Variants in DPP6 observed in about 807,000 individuals in gnomAD.
DPP6 encodes A-type potassium channel modulatory protein DPP6.
DPP6 carries 69 observed loss-of-function variants against 122.6 expected under a neutral mutation model. That is an observed-to-expected ratio of 0.56 (90% CI 0.46 to 0.69). The LOEUF is 0.69. Among genes scored for constraint, DPP6 ranks in the 30% least tolerant of loss-of-function variants. The pLI is 0.00. For synonymous variants in DPP6, 418 were observed against 433.1 expected (o/e 0.97, Z 0.43); for missense variants, 928 against 1,116.9 (o/e 0.83, Z 2.41).
intron 5 of DPP6, among the ~76,000 whole-genome samples, chr7:154,620,390 A>G (rs1834563998): frequency 6.6e-6 from 1 of 152,198 alleles, no homozygotes; most frequent in African/African-American, 2.4e-5. Flanking sequence ...TTTCTTCCCA[A>G]CCCAGGATTA....
chr7:154,273,567 A>T (rs1057114838), intron 1 of DPP6, among the ~76,000 whole-genome samples: 1 of 152,234 alleles, frequency 6.6e-6, no homozygotes, highest in South Asian at 2.1e-4. Flanking sequence ...AACAATGCAC[A>T]TCATTCTGCA....
intron 2 of DPP6, among the ~76,000 whole-genome samples, chr7:154,471,831 C>T (rs965213490): frequency 6.6e-6 from 1 of 151,894 alleles, no homozygotes; most frequent in Non-Finnish European, 1.5e-5. Context: ...GCTAAAGAAG[C>T]ATGAAACTAT....
At chr7:153,760,234 T>C in the DPP6 span, among the ~76,000 whole-genome samples, 1 of 152,250 alleles carries the variant, frequency 6.6e-6, no homozygotes, top group Non-Finnish European at 1.5e-5. Context: ...GCAGTATCCA[T>C]TTCCTCTCTA....
chr7:154,547,946 C>T (rs757894822), intron 4 of DPP6, among the ~76,000 whole-genome samples: 4 of 152,232 alleles, frequency 2.6e-5, no homozygotes, highest in Admixed American at 6.5e-5. Context: ...CAGTGGCTCA[C>T]GCGTGTAATC....
the DPP6 span, among the ~76,000 whole-genome samples, chr7:153,803,198 A>G: frequency 6.6e-6 from 1 of 150,554 alleles, no homozygotes; most frequent in Non-Finnish European, 1.5e-5. Context: ...CTAGCCTGGG[A>G]TATTTATCCA....
chr7:153,850,196 C>G, the DPP6 span, among the ~76,000 whole-genome samples: 1 of 152,192 alleles, frequency 6.6e-6, no homozygotes, highest in Non-Finnish European at 1.5e-5. Flanking sequence ...CCTCACAAGG[C>G]TGCAATCAAG....
chr7:154,016,680 A>G (rs1370225089), intron 1 of DPP6, among the ~76,000 whole-genome samples: 1 of 152,238 alleles, frequency 6.6e-6, no homozygotes, highest in East Asian at 1.9e-4. Flanking sequence ...ATATATACCC[A>G]GCTGAGAGAT....
intron 3 of DPP6, among the ~76,000 whole-genome samples, chr7:154,488,560 T>C (rs1420657697): frequency 6.6e-6 from 1 of 151,896 alleles, no homozygotes; most frequent in Non-Finnish European, 1.5e-5. Context: ...TAGCTCCTGC[T>C]ACTCCTCATA....
chr7:153,868,318 T>A, the DPP6 span, among the ~76,000 whole-genome samples: 3 of 152,168 alleles, frequency 2.0e-5, no homozygotes, highest in Non-Finnish European at 4.4e-5. Context: ...AATTATTGCC[T>A]CAATTTCAGA....
At chr7:154,721,148 A>C (rs967045885) in intron 7 of DPP6, among the ~76,000 whole-genome samples, 2 of 152,240 alleles carry the variant, frequency 1.3e-5, no homozygotes. Flanking sequence ...ATTTTTGGTT[A>C]AAAATCACAC....
intron 11 of DPP6, among the ~76,000 whole-genome samples, chr7:154,795,384 T>C (rs930016261): frequency 6.6e-6 from 1 of 152,220 alleles, no homozygotes; most frequent in African/African-American, 2.4e-5. Context: ...TTTTCCTCTA[T>C]GCTTTAGCCC....
chr7:154,478,950 T>G (rs911963617), intron 3 of DPP6, among the ~76,000 whole-genome samples: 4 of 150,604 alleles, frequency 2.7e-5, no homozygotes, highest in Admixed American at 1.3e-4. Flanking sequence ...TGATTTTGTT[T>G]TTTGTTTGTT....
the DPP6 span, among the ~76,000 whole-genome samples, chr7:153,876,762 C>T: frequency 6.6e-6 from 1 of 151,990 alleles, no homozygotes; most frequent in Non-Finnish European, 1.5e-5. Context: ...GAGGGTACAG[C>T]CTCCTACACA....
At chr7:154,866,058 A>G (rs965084195) in intron 17 of DPP6, among the ~76,000 whole-genome samples, 12 of 152,176 alleles carry the variant, frequency 7.9e-5, no homozygotes, top group African/African-American at 2.9e-4. Context: ...GGTGCCTGAG[A>G]TAGGGTGGTC....
chr7:154,172,268 G>A (rs1797574153), intron 1 of DPP6, among the ~76,000 whole-genome samples: 1 of 152,166 alleles, frequency 6.6e-6, no homozygotes, highest in Non-Finnish European at 1.5e-5. Flanking sequence ...GAGAAGGAAA[G>A]GGTGAATAAA....
In DPP6 at chr7:154,483,089, C is replaced by T. The variant is rs558548794; in HGVS notation, c.457+8052C>T. On this transcript the variant is annotated intron_variant, in intron 3 of 25. Transcript: ENST00000377770. The surrounding 1 kb of genome is among the most constrained non-coding windows in gnomAD (Gnocchi z 8.1). ...TGTGGAGGTACTGCTCAGAGCCTCT[C>T]GGAGGGAAGAGGGGAAGAGGGACAC... Among the ~76,000 whole-genome samples the T allele has an allele frequency of 6.6e-5, 10 of 151,912 alleles. No individual in the cohort carries two copies. The highest frequency in any genetic ancestry group is 6.3e-4 in the South Asian group (3 of 4,794).
At position 154,093,459 on chromosome 7, in the gene DPP6, C is replaced by T. The variant is rs553780918; in HGVS notation, c.243+40396C>T. On this transcript the variant is annotated intron_variant, in intron 1 of 25. Coordinates refer to ENST00000377770, the MANE Select transcript of DPP6 (RefSeq NM_130797.4). ...CATACCACATCACATACCACACACA[C>T]CATATACCACATCATATACACCACA... is the stretch of plus-strand genomic sequence containing the variant. Among the ~76,000 whole-genome samples, 714 of 120,756 alleles carry T rather than the reference C, an allele frequency of 5.9e-3. 25 individuals carry two copies. The highest frequency in any genetic ancestry group is 0.023 in the African/African-American group (680 of 29,772). The allele number at this position is 120,756 out of a possible 152,430, so 79.2% of individuals were successfully genotyped here.
chr7:154,872,539 C>T lies in DPP6; in HGVS notation c.1814-85C>T. ...CCTCAGGCCCCACCCAGAGCACCCT[C>T]ACCCCCACGGTCACCCAAGGGCATG... On this transcript the variant is annotated intron_variant, in intron 18 of 25. Coordinates refer to ENST00000377770, the MANE Select transcript of DPP6 (RefSeq NM_130797.4). 6 of 1,518,556 alleles carry T rather than the reference C, an allele frequency of 4.0e-6. No homozygotes were observed. In the South Asian group the frequency reaches 6.2e-5, roughly 16 times the overall value. 94.1% of individuals were successfully genotyped at this position (1,518,556 alleles called of 1,614,324 possible). A position where few individuals can be genotyped will look rare whatever the true frequency, so the allele number is the denominator to read the frequency against.
chr7:154,860,368 C>A (rs780357490), intron 17 of DPP6, among the ~76,000 whole-genome samples: 13 of 152,188 alleles, frequency 8.5e-5, no homozygotes, highest in Non-Finnish European at 2.9e-5. Context: ...TCCTGCAGGA[C>A]CCAGGAGGAG....
Sources: allele counts gnomAD v4.1 joint callset (sites outside exome capture counted in the v4.1 genomes callset), GRCh38; gene constraint gnomAD v4.1.1; non-coding constraint Gnocchi (gnomAD v3.1); transcripts MANE v1.5; gene names NCBI Gene and HGNC (gene_info 2026-07-23, HGNC 2026-07-21).